The following HYCC1 variants were observed in gnomAD, a reference collection of about 807,000 sequenced individuals.
HYCC1 encodes hyccin PI4KA lipid kinase complex subunit 1, also known as hyccin.
chr7:22,934,108 A>G, the HYCC1 span: 1 of 151,650 alleles, frequency 6.6e-6, no homozygotes, highest in East Asian at 1.9e-4. Flanking sequence ...TTCCCTTTTG[A>G]AGGGTTGTGA....
At chr7:22,997,707 A>G in the HYCC1 span, among the ~76,000 whole-genome samples, 1 of 152,180 alleles carries the variant, frequency 6.6e-6, no homozygotes. Flanking sequence ...TAGGTCATCA[A>G]GTAAATAAAG....
At chr7:22,962,578 GAA>G in the HYCC1 span, among the ~76,000 whole-genome samples, 1 of 137,280 alleles carries the variant, frequency 7.3e-6, no homozygotes, top group Non-Finnish European at 1.6e-5. Context: ...CTGAGGGTAA[GAA>G]AAAAAAAAAA....
chr7:23,007,619 T>G, the HYCC1 span, among the ~76,000 whole-genome samples: 1 of 152,040 alleles, frequency 6.6e-6, no homozygotes, highest in Non-Finnish European at 1.5e-5. Flanking sequence ...TCTCTCAGTC[T>G]CTCTTTTTAC....
At chr7:22,984,012 T>A in the HYCC1 span, 1 of 1,598,328 alleles carries the variant, frequency 6.3e-7, no homozygotes, top group Non-Finnish European at 8.6e-7. Flanking sequence ...TTCAAATTTG[T>A]GGCATAATTT....
At chr7:22,926,566 A>G in the HYCC1 span, among the ~76,000 whole-genome samples, 2 of 152,220 alleles carry the variant, frequency 1.3e-5, no homozygotes, top group Non-Finnish European at 2.9e-5. Flanking sequence ...TAAACCAACA[A>G]AGATCAAAAG....
At chr7:22,906,301 T>A in the HYCC1 span, among the ~76,000 whole-genome samples, 2 of 152,086 alleles carry the variant, frequency 1.3e-5, no homozygotes, top group Admixed American at 6.6e-5. Context: ...TATGAAAGAA[T>A]GATACATGAC....
the HYCC1 span, among the ~76,000 whole-genome samples, chr7:22,917,031 G>A: frequency 2.0e-5 from 3 of 152,188 alleles, no homozygotes; most frequent in Non-Finnish European, 4.4e-5. Flanking sequence ...TCCCAAGGAA[G>A]CTGGAGTCAT....
At chr7:22,955,808 G>A in the HYCC1 span, among the ~76,000 whole-genome samples, 8 of 151,560 alleles carry the variant, frequency 5.3e-5, no homozygotes, top group East Asian at 1.2e-3. Context: ...CTTAAGAAAA[G>A]GGGCTTTTTA....
the HYCC1 span, among the ~76,000 whole-genome samples, chr7:22,929,967 AT>A: frequency 6.6e-6 from 1 of 152,180 alleles, no homozygotes; most frequent in Non-Finnish European, 1.5e-5. Context: ...GATAGACTGG[AT>A]TAAGAAAATG....
chr7:22,919,061 TC>T, the HYCC1 span, among the ~76,000 whole-genome samples: 1 of 152,178 alleles, frequency 6.6e-6, no homozygotes, highest in Admixed American at 6.5e-5. Flanking sequence ...ACCTAAAATG[TC>T]CAATTTTCAT....
the HYCC1 span, among the ~76,000 whole-genome samples, chr7:22,928,288 C>A: frequency 3.7e-4 from 57 of 152,274 alleles, no homozygotes; most frequent in African/African-American, 1.4e-3. Flanking sequence ...GACAGGGATG[C>A]CCTCTCTCAC....
chr7:22,942,285 G>A, the HYCC1 span: 1 of 152,080 alleles, frequency 6.6e-6, no homozygotes, highest in Non-Finnish European at 1.5e-5. Context: ...ATGAAATATT[G>A]CTTTTTCAAA....
the HYCC1 span, among the ~76,000 whole-genome samples, chr7:22,950,890 T>TA: frequency 2.4e-3 from 337 of 142,940 alleles, no homozygotes; most frequent in East Asian, 6.2e-3. Context: ...ATCCACACCT[T>TA]AAAAAAAAAA....
At chr7:23,006,043 C>G in the HYCC1 span, among the ~76,000 whole-genome samples, 1 of 152,084 alleles carries the variant, frequency 6.6e-6, no homozygotes, top group Non-Finnish European at 1.5e-5. Flanking sequence ...ATTAACAAAT[C>G]AGCAGGAACC....
the HYCC1 span, among the ~76,000 whole-genome samples, chr7:22,919,962 C>A: frequency 6.6e-6 from 1 of 152,128 alleles, no homozygotes; most frequent in African/African-American, 2.4e-5. Context: ...GCTCAATGAA[C>A]TCCAAGGAAA....
chr7:22,927,363 A>C, the HYCC1 span, among the ~76,000 whole-genome samples: 1 of 141,944 alleles, frequency 7.0e-6, no homozygotes, highest in Non-Finnish European at 1.6e-5. Context: ...AGAGACACAA[A>C]AAAGCCTTCA....
At chr7:22,897,013 T>G in the HYCC1 span, among the ~76,000 whole-genome samples, 1 of 151,266 alleles carries the variant, frequency 6.6e-6, no homozygotes, top group Admixed American at 6.6e-5. Context: ...GCGGTTGGGG[T>G]GGGGGAAGGG....
the HYCC1 span, chr7:23,014,050 G>C: frequency 4.2e-6 from 2 of 470,860 alleles, no homozygotes; most frequent in Admixed American, 2.3e-5. Context: ...CTAGCAGAAC[G>C]GGTCCCGGTG....
At chr7:23,006,167 C>T in the HYCC1 span, among the ~76,000 whole-genome samples, 1 of 152,136 alleles carries the variant, frequency 6.6e-6, no homozygotes, top group Non-Finnish European at 1.5e-5. Flanking sequence ...ATAACCAAAA[C>T]CCTAACTGAA....
Sources: gnomAD v4.1 joint callset for allele counts (sites outside exome capture counted in the v4.1 genomes callset) on GRCh38, gnomAD v4.1.1 for gene constraint, MANE v1.5 for transcripts, NCBI Gene and HGNC (gene_info 2026-07-23, HGNC 2026-07-21) for gene names.